Variants in ARPC2 observed in about 807,000 individuals in gnomAD.
ARPC2 encodes the protein actin related protein 2/3 complex subunit 2, also known as actin-related protein 2/3 complex subunit 2.
Under a neutral mutation model 38.6 loss-of-function variants are expected in ARPC2, and 4 were observed. That is an observed-to-expected ratio of 0.10 (90% CI 0.05 to 0.24). The LOEUF (loss-of-function observed/expected upper bound fraction) is 0.24, where lower values mean the gene tolerates loss of function less well. ARPC2 is among the 10% of genes least tolerant of loss of function. The probability of loss-of-function intolerance (pLI) is 1.00; values close to 1 mark genes in which losing one functional copy is unlikely to be tolerated. For synonymous variants in ARPC2, 125 were observed against 140.8 expected (o/e 0.89, Z 0.79); for missense variants, 229 against 387.3 (o/e 0.59, Z 3.43).
At chr2:218,232,662 C>T (rs945223871) in intron 4 of ARPC2, among the ~76,000 whole-genome samples, 67 of 151,226 alleles carry the variant, frequency 4.4e-4, no homozygotes, top group Admixed American at 3.2e-3. Flanking sequence ...CTCTGCCTCC[C>T]GGGTTCACGC....
chr2:218,243,159 T>G (rs1409024749), intron 7 of ARPC2, among the ~76,000 whole-genome samples: 1 of 152,244 alleles, frequency 6.6e-6, no homozygotes, highest in Non-Finnish European at 1.5e-5. Context: ...TGATCTTTTT[T>G]TCCTAAATGG....
At chr2:218,226,154 A>G (rs546775797) in intron 3 of ARPC2, among the ~76,000 whole-genome samples, 200 bp downstream of exon 3, 1 of 152,154 alleles carries the variant, frequency 6.6e-6, no homozygotes, top group African/African-American at 2.4e-5. Flanking sequence ...TTAGCCGGGC[A>G]TGGTGGTGGG....
chr2:218,221,627 T>C (rs1002296876), intron 2 of ARPC2, among the ~76,000 whole-genome samples: 1 of 152,232 alleles, frequency 6.6e-6, no homozygotes, highest in Admixed American at 6.5e-5. Context: ...TTCCCCAGCA[T>C]CCTCATTGTG....
intron 5 of ARPC2, among the ~76,000 whole-genome samples, chr2:218,237,321 T>C (rs944374384): frequency 2.0e-5 from 3 of 152,064 alleles, no homozygotes; most frequent in Non-Finnish European, 4.4e-5. Context: ...TGCCTCAGCC[T>C]CCGGAGTACC....
chr2:218,239,247 A>G, intron 6 of ARPC2, 144 bp from the exon 7 acceptor site: 2 of 634,334 alleles, frequency 3.2e-6, no homozygotes, highest in East Asian at 2.8e-5. Flanking sequence ...TTTGTTGACC[A>G]TAAATATCAT....
intron 2 of ARPC2, among the ~76,000 whole-genome samples, chr2:218,224,132 A>T (rs1179088271): frequency 6.6e-6 from 1 of 152,224 alleles, no homozygotes; most frequent in Non-Finnish European, 1.5e-5. Context: ...ACCACTTAAG[A>T]TCGATCGTAG....
chr2:218,246,953 G>T (rs1275021323), intron 8 of ARPC2, among the ~76,000 whole-genome samples: 1 of 151,832 alleles, frequency 6.6e-6, no homozygotes, highest in Non-Finnish European at 1.5e-5. Flanking sequence ...GCTCCAGCCT[G>T]GGAGACTGTC....
intron 2 of ARPC2, among the ~76,000 whole-genome samples, chr2:218,223,241 C>T (rs141015685): frequency 3.3e-5 from 5 of 152,212 alleles, no homozygotes; most frequent in Admixed American, 6.5e-5. Context: ...TGAAATCTTG[C>T]GCTGTCCCGC....
chr2:218,219,023 A>T (rs1183318924), intron 2 of ARPC2, among the ~76,000 whole-genome samples: 15 of 152,212 alleles, frequency 9.9e-5, no homozygotes, highest in Admixed American at 9.8e-4. Context: ...GCAGTGTAAC[A>T]CATAGGAGGA....
chr2:218,228,633 C>G lies in ARPC2; in HGVS notation c.110-105C>G, dbSNP rs889976052. 24 of 576,180 alleles carry G rather than the reference C, an allele frequency of 4.2e-5. 1 individual carries two copies. In the South Asian group the frequency reaches 5.2e-4, roughly 13 times the overall value. 35.7% of individuals were successfully genotyped at this position (576,180 alleles called of 1,614,324 possible). ...AAATAAGTTCCATTTTACTTACATG[C>G]CTCCTTAAAAGTGGTCTTCCTTGTG... is the stretch of plus-strand genomic sequence containing the variant. On this transcript the variant is annotated intron_variant, in intron 3 of 10. Coordinates refer to ENST00000315717, the MANE Select transcript of ARPC2 (RefSeq NM_152862.3).
At chr2:218,227,878 T>A (rs1689539696) in intron 3 of ARPC2, among the ~76,000 whole-genome samples, 1 of 152,204 alleles carries the variant, frequency 6.6e-6, no homozygotes, top group Admixed American at 6.5e-5. Context: ...GTTAACAGGC[T>A]TGAGCCACTG....
In ARPC2 at chr2:218,239,895, C is replaced by T. The variant is rs114366028; in HGVS notation, c.549+411C>T. ...CATGAGCCACCATGCCCAGCCTTGACGTTAGAATTTGTTGAAGATTTAATA... is the reference window on the plus strand; with the variant it reads ...CATGAGCCACCATGCCCAGCCTTGATGTTAGAATTTGTTGAAGATTTAATA... On this transcript the variant is annotated intron_variant, in intron 7 of 10. Transcript: ENST00000315717. Among the ~76,000 whole-genome samples, 695 of 148,244 alleles carry T rather than the reference C, an allele frequency of 4.7e-3. 8 individuals are homozygous for T. Among genetic ancestry groups the T allele is most frequent in the African/African-American group, 0.016 (626 of 40,164 alleles).
chr2:218,233,978 A>G (rs1301315774), intron 4 of ARPC2: 1 of 160,868 alleles, frequency 6.2e-6, no homozygotes, highest in Non-Finnish European at 1.4e-5. Flanking sequence ...CAGCCTGACC[A>G]ACATGGAGAA....
At chr2:218,224,538 T>C (rs1689454024) in intron 2 of ARPC2, among the ~76,000 whole-genome samples, 1 of 152,232 alleles carries the variant, frequency 6.6e-6, no homozygotes, top group Admixed American at 6.5e-5. Flanking sequence ...GGTATTGGAC[T>C]CGTTGCCTTT....
At chr2:218,243,652 T>A (rs1330485260) in intron 7 of ARPC2, among the ~76,000 whole-genome samples, 1 of 152,216 alleles carries the variant, frequency 6.6e-6, no homozygotes, top group Non-Finnish European at 1.5e-5. Flanking sequence ...GGCACACGCC[T>A]GTAATCTCAG....
intron 2 of ARPC2, among the ~76,000 whole-genome samples, chr2:218,219,601 C>T (rs1289833017): frequency 1.3e-5 from 2 of 152,156 alleles, no homozygotes; most frequent in East Asian, 1.9e-4. Context: ...CCGCCCGCCT[C>T]GGCCTCCCAA....
chr2:218,252,700 T>C (rs1157329576), intron 10 of ARPC2, among the ~76,000 whole-genome samples: 1 of 152,152 alleles, frequency 6.6e-6, no homozygotes, highest in East Asian at 1.9e-4. Flanking sequence ...CAGCATCACC[T>C]TTGGCACTGG....
intron 1 of ARPC2, 69 bp downstream of exon 1, chr2:218,217,323 T>C: frequency 1.5e-6 from 1 of 684,826 alleles, no homozygotes; most frequent in African/African-American, 1.8e-5. Flanking sequence ...TACCCTTCCC[T>C]CCACCCCGGC....
In ARPC2 at chr2:218,249,931, G is replaced by A. The variant is rs780045245; in HGVS notation, c.878+10G>A. On this transcript the variant is annotated intron_variant, in intron 10 of 10. Transcript: ENST00000315717. The stretch of plus-strand genomic sequence containing the variant: ...AAATGAAAACAATCACGTAAGTTAG[G>A]CAGCACCCCAGCGACCACCTTCCTC... 3.1e-6 allele frequency: 5 copies of A among 1,598,332 alleles called. No individual in the cohort carries two copies. The Admixed American group carries it at 8.6e-5, about 27-fold the overall frequency.
Sources: allele counts gnomAD v4.1 joint callset (sites outside exome capture counted in the v4.1 genomes callset), GRCh38; gene constraint gnomAD v4.1.1; transcripts MANE v1.5; gene names NCBI Gene and HGNC (gene_info 2026-07-23, HGNC 2026-07-21).